Variants in EEPD1 observed in about 807,000 individuals in gnomAD.
EEPD1 encodes endonuclease/exonuclease/phosphatase family domain containing 1, also known as endonuclease/exonuclease/phosphatase family domain-containing protein 1.
A neutral mutation model predicts 46.3 loss-of-function variants in EEPD1; 17 were observed. The ratio of observed to expected loss-of-function variants is 0.37; its 90% confidence interval spans 0.25 to 0.55. EEPD1 has a LOEUF of 0.55. EEPD1 is among the 20% of genes least tolerant of loss of function. The probability of loss-of-function intolerance (pLI) is 0.83; values close to 1 mark genes in which losing one functional copy is unlikely to be tolerated. For synonymous variants in EEPD1, 313 were observed against 315.6 expected (o/e 0.99, Z 0.09); for missense variants, 673 against 745.6 (o/e 0.90, Z 1.13).
intron 6 of EEPD1, among the ~76,000 whole-genome samples, chr7:36,291,207 T>C (rs1238054695): frequency 6.6e-6 from 1 of 152,224 alleles, no homozygotes; most frequent in African/African-American, 2.4e-5. Flanking sequence ...GTAGCATCTT[T>C]CTCTTTGTTC....
chr7:36,197,042 G>A (rs1246006861), intron 2 of EEPD1, among the ~76,000 whole-genome samples: 1 of 149,952 alleles, frequency 6.7e-6, no homozygotes, highest in Non-Finnish European at 1.5e-5. Flanking sequence ...TGGGATGTGA[G>A]GAGCGCCTCG....
At chr7:36,205,606 G>T (rs377598092) in intron 2 of EEPD1, among the ~76,000 whole-genome samples, 1 of 152,226 alleles carries the variant, frequency 6.6e-6, no homozygotes, top group Non-Finnish European at 1.5e-5. Flanking sequence ...GGGTAAAAGC[G>T]TGGTGCTAAG....
At chr7:36,185,311 C>A (rs181660804) in intron 2 of EEPD1, among the ~76,000 whole-genome samples, 1 of 152,234 alleles carries the variant, frequency 6.6e-6, no homozygotes, top group Non-Finnish European at 1.5e-5. Flanking sequence ...CCCCTGCCTG[C>A]TGTTGCATGT....
intron 2 of EEPD1, among the ~76,000 whole-genome samples, chr7:36,218,770 A>T (rs1478091938): frequency 2.6e-5 from 4 of 152,190 alleles, no homozygotes; most frequent in African/African-American, 9.7e-5. Context: ...TGCTAAAAAT[A>T]TGTGATCAAA....
At chr7:36,291,193 G>A (rs557442691) in intron 6 of EEPD1, among the ~76,000 whole-genome samples, 1 of 152,346 alleles carries the variant, frequency 6.6e-6, no homozygotes, top group Non-Finnish European at 1.5e-5. Flanking sequence ...GATATTCAAT[G>A]AATGTAGCAT....
intron 2 of EEPD1, among the ~76,000 whole-genome samples, chr7:36,227,226 TGAATG>T (rs943424658): frequency 6.4e-4 from 97 of 152,314 alleles, no homozygotes; most frequent in African/African-American, 2.3e-3. Context: ...GTTGAAAACC[TGAATG>T]GAATAAAAAA....
chr7:36,243,797 A>G (rs1463404624), intron 3 of EEPD1, among the ~76,000 whole-genome samples: 2 of 151,924 alleles, frequency 1.3e-5, no homozygotes, highest in East Asian at 1.9e-4. Context: ...TATCGCAAGG[A>G]CAAAAAACCA....
intron 2 of EEPD1, among the ~76,000 whole-genome samples, chr7:36,198,882 G>A (rs1014715693): frequency 6.6e-6 from 1 of 152,006 alleles, no homozygotes; most frequent in Admixed American, 6.6e-5. Flanking sequence ...ATTGACTGCT[G>A]TGCTGTGGCC....
intron 3 of EEPD1, among the ~76,000 whole-genome samples, chr7:36,246,630 A>G (rs1254766317): frequency 1.3e-5 from 2 of 151,762 alleles, no homozygotes; most frequent in African/African-American, 2.4e-5. Flanking sequence ...TTGCATCCCC[A>G]CTGCTCCTTT....
intron 2 of EEPD1, among the ~76,000 whole-genome samples, chr7:36,227,638 G>C (rs1168276286): frequency 6.6e-6 from 1 of 152,100 alleles, no homozygotes; most frequent in Non-Finnish European, 1.5e-5. Flanking sequence ...GAAATTTTTG[G>C]CCAGGCGCAG....
At chr7:36,273,718 A>G (rs1454836419) in intron 3 of EEPD1, among the ~76,000 whole-genome samples, 1 of 152,078 alleles carries the variant, frequency 6.6e-6, no homozygotes. Context: ...GTCTGGAGTC[A>G]TTTCCCCCCA....
chr7:36,220,751 C>T (rs188545382), intron 2 of EEPD1, among the ~76,000 whole-genome samples: 9 of 152,214 alleles, frequency 5.9e-5, no homozygotes, highest in African/African-American at 2.2e-4. Flanking sequence ...CTCCTTTCAC[C>T]CTCTGCCCAT....
At chr7:36,168,975 C>A (rs2700916) in intron 2 of EEPD1, among the ~76,000 whole-genome samples, 49,011 of 152,036 alleles carry the variant, frequency 0.32, 8,573 homozygotes, top group Middle Eastern at 0.43. Flanking sequence ...AGTATGTGAC[C>A]TTTTGTGCCT....
chr7:36,280,695 G>A (rs949271432), intron 3 of EEPD1, among the ~76,000 whole-genome samples: 1 of 152,032 alleles, frequency 6.6e-6, no homozygotes, highest in Non-Finnish European at 1.5e-5. Context: ...CCTGTAAGCT[G>A]AGCCCTGAAG....
intron 2 of EEPD1, among the ~76,000 whole-genome samples, chr7:36,218,446 T>A (rs1347209847): frequency 6.6e-6 from 1 of 152,084 alleles, no homozygotes; most frequent in Non-Finnish European, 1.5e-5. Flanking sequence ...TATGTGAATG[T>A]GGTCTCTCTC....
chr7:36,166,214 G>A (rs1439225285), intron 2 of EEPD1, among the ~76,000 whole-genome samples: 2 of 152,216 alleles, frequency 1.3e-5, no homozygotes, highest in Non-Finnish European at 2.9e-5. Context: ...AGGCAAGACT[G>A]TTTGGAGTTG....
intron 2 of EEPD1, among the ~76,000 whole-genome samples, chr7:36,173,086 C>T (rs1313721281): frequency 1.3e-5 from 2 of 152,066 alleles, no homozygotes; most frequent in Admixed American, 1.3e-4. Flanking sequence ...TCTGTGTCCC[C>T]ACCCAAATCT....
chr7:36,284,890 T>A (rs1787320565), intron 5 of EEPD1, 70 bp downstream of exon 5: 1 of 1,419,574 alleles, frequency 7.0e-7, no homozygotes, highest in East Asian at 2.7e-5. Context: ...GGGCTCATTT[T>A]GTAATAGCAT....
At chr7:36,259,404 T>C (rs958787356) in intron 3 of EEPD1, among the ~76,000 whole-genome samples, 1 of 152,228 alleles carries the variant, frequency 6.6e-6, no homozygotes, top group Non-Finnish European at 1.5e-5. Context: ...ATAGAAACGT[T>C]ACTACTGTAT....
Sources: allele counts gnomAD v4.1 joint callset (sites outside exome capture counted in the v4.1 genomes callset), GRCh38; gene constraint gnomAD v4.1.1; transcripts MANE v1.5; gene names NCBI Gene and HGNC (gene_info 2026-07-23, HGNC 2026-07-21).